TRPC5: variants seen among roughly 807,000 people sequenced by gnomAD.
The protein encoded by TRPC5 is short transient receptor potential channel 5.
TRPC5 carries 9 observed loss-of-function variants against 56.5 expected under a neutral mutation model. The observed-to-expected ratio is 0.16, with a 90% CI of 0.10 to 0.28. TRPC5 has a LOEUF of 0.28. Ranked by LOEUF, TRPC5 falls within the 10% of genes least tolerant of loss-of-function variation. The pLI is 1.00. For synonymous variants in TRPC5, 282 were observed against 278.5 expected (o/e 1.01, Z -0.13); for missense variants, 469 against 748.9 (o/e 0.63, Z 4.36).
At chrX:111,984,907 A>G (rs774538483) in intron 1 of TRPC5, among the ~76,000 whole-genome samples, 1 of 112,407 alleles carries the variant, frequency 8.9e-6, no homozygotes, top group South Asian at 3.7e-4. Context: ...ATATCAAGGG[A>G]TGTGTTAATT....
At chrX:112,080,779 A>T (rs1048691745) in intron 1 of TRPC5, among the ~76,000 whole-genome samples, 1 of 111,814 alleles carries the variant, frequency 8.9e-6, no homozygotes, top group Non-Finnish European at 1.9e-5. Context: ...ACATCAAAAA[A>T]CCTATGACAC....
intron 3 of TRPC5, among the ~76,000 whole-genome samples, chrX:111,865,262 C>T (rs1923516538): frequency 9.1e-6 from 1 of 110,044 alleles, no homozygotes; most frequent in African/African-American, 3.3e-5. Context: ...CTCAAGCAAT[C>T]CATTCACCTA....
At chrX:112,033,639 T>A (rs1929648395) in intron 1 of TRPC5, among the ~76,000 whole-genome samples, 1 of 111,450 alleles carries the variant, frequency 9.0e-6, no homozygotes, top group Non-Finnish European at 1.9e-5. Flanking sequence ...TTTACCCTTA[T>A]GTTTTCTTGT....
At chrX:111,936,498 C>T (rs1413775601) in intron 2 of TRPC5, among the ~76,000 whole-genome samples, 1 of 110,056 alleles carries the variant, frequency 9.1e-6, no homozygotes, top group African/African-American at 3.3e-5. Flanking sequence ...TCCCCTCTCC[C>T]CACACCCCAC....
intron 1 of TRPC5, among the ~76,000 whole-genome samples, chrX:112,040,129 A>G (rs1317460850): frequency 3.6e-5 from 4 of 112,107 alleles, no homozygotes; most frequent in Non-Finnish European, 7.5e-5. Context: ...GTAGCCTTTC[A>G]GTTATGGTAC....
chrX:111,999,230 T>G (rs758412836), intron 1 of TRPC5, among the ~76,000 whole-genome samples: 52 of 111,326 alleles, frequency 4.7e-4, no homozygotes, highest in Non-Finnish European at 1.9e-4. Flanking sequence ...CTAACTGTAG[T>G]TTTGTATGTG....
intron 3 of TRPC5, among the ~76,000 whole-genome samples, chrX:111,897,918 T>C (rs776395939): frequency 9.0e-6 from 1 of 111,052 alleles, no homozygotes; most frequent in African/African-American, 3.3e-5. Flanking sequence ...GGGATATAGA[T>C]AGGTGCATGA....
At chrX:111,924,706 A>G (rs1315028792) in intron 2 of TRPC5, among the ~76,000 whole-genome samples, 1 of 112,354 alleles carries the variant, frequency 8.9e-6, no homozygotes, top group Non-Finnish European at 1.9e-5. Context: ...TCATTAAACA[A>G]TTATTGAGTC....
At position 111,825,108 on chromosome X, in the gene TRPC5, C is replaced by A. The variant is rs750475987; in HGVS notation, c.1896+9813G>T. On this transcript the variant is annotated intron_variant, in intron 7 of 10. Coordinates refer to ENST00000262839, the MANE Select transcript of TRPC5 (RefSeq NM_012471.3). Reference sequence around the variant, plus strand: ...ACTCTAGGACTTTCTTTCATTTTCTCTTTCTTTCTTTTCTTTCTTTTCCTT... The same window carrying A: ...ACTCTAGGACTTTCTTTCATTTTCTATTTCTTTCTTTTCTTTCTTTTCCTT... 4.5e-5 allele frequency among the ~76,000 whole-genome samples: 5 copies of A among 109,961 alleles called. No homozygotes were observed. The Admixed American group carries it at 4.8e-4, about 11-fold the overall frequency.
At chrX:112,031,605 G>C (rs1223126032) in intron 1 of TRPC5, among the ~76,000 whole-genome samples, 1 of 109,200 alleles carries the variant, frequency 9.2e-6, no homozygotes, top group Admixed American at 9.9e-5. Context: ...AATTTATTGA[G>C]GTGAAATTCA....
intron 3 of TRPC5, among the ~76,000 whole-genome samples, chrX:111,910,775 G>A (rs970135189): frequency 9.8e-5 from 11 of 112,322 alleles, no homozygotes; most frequent in African/African-American, 3.6e-4. Flanking sequence ...CAGATGATCT[G>A]CCAGCCTTGG....
At chrX:111,958,726 G>C (rs1257552043) in intron 1 of TRPC5, among the ~76,000 whole-genome samples, 1 of 111,896 alleles carries the variant, frequency 8.9e-6, no homozygotes, top group African/African-American at 3.2e-5. Context: ...AGACCTCCAA[G>C]AAGGAAAAAC....
At chrX:111,880,501 G>C (rs1271657810) in intron 3 of TRPC5, among the ~76,000 whole-genome samples, 2 of 112,381 alleles carry the variant, frequency 1.8e-5, no homozygotes, top group Non-Finnish European at 3.8e-5. Flanking sequence ...CTGCTTACCT[G>C]CTTTGCTCTG....
At chrX:111,838,865 C>T (rs1055422509) in intron 6 of TRPC5, among the ~76,000 whole-genome samples, 2 of 111,683 alleles carry the variant, frequency 1.8e-5, no homozygotes, top group Admixed American at 1.9e-4. Context: ...TGAGGAATTA[C>T]CCTTTCAAAA....
intron 1 of TRPC5, among the ~76,000 whole-genome samples, chrX:112,056,153 T>C (rs909962867): frequency 1.8e-5 from 2 of 111,711 alleles, no homozygotes; most frequent in African/African-American, 3.3e-5. Context: ...TCAGGGTGCA[T>C]AGCTTGGTAA....
At chrX:111,963,638 C>T (rs1209655317) in intron 1 of TRPC5, among the ~76,000 whole-genome samples, 8 of 111,463 alleles carry the variant, frequency 7.2e-5, no homozygotes, top group Admixed American at 1.9e-4. Flanking sequence ...TCCAGAGGAA[C>T]AATCAGGCAG....
At position 111,888,231 on chromosome X, in the gene TRPC5, G is replaced by A. The variant is rs182556374; in HGVS notation, c.900+24060C>T. On this transcript the variant is annotated intron_variant, in intron 3 of 10. Coordinates refer to ENST00000262839, the MANE Select transcript of TRPC5 (RefSeq NM_012471.3). ...AGCAGGAGAGAGAAAAATAGAAAAC[G>A]AAGTTGCAGATTATATTATGCAGGG... Among the ~76,000 whole-genome samples the A allele has an allele frequency of 1.7e-3, 191 of 111,215 alleles. 1 individual carries two copies. Among genetic ancestry groups the A allele is most frequent in the African/African-American group, 6.0e-3 (183 of 30,579 alleles).
intron 2 of TRPC5, among the ~76,000 whole-genome samples, chrX:111,928,762 T>C (rs1427148055): frequency 4.5e-5 from 5 of 112,103 alleles, no homozygotes; most frequent in African/African-American, 1.6e-4. Flanking sequence ...TAGGTGCTGA[T>C]CAAGAATGAA....
intron 1 of TRPC5, among the ~76,000 whole-genome samples, chrX:112,075,212 G>A (rs1037968906): frequency 8.9e-6 from 1 of 112,163 alleles, no homozygotes; most frequent in East Asian, 2.8e-4. Context: ...TTTTATGTGA[G>A]TTACAAACTT....
Sources: gnomAD v4.1 joint callset for allele counts (sites outside exome capture counted in the v4.1 genomes callset) on GRCh38, gnomAD v4.1.1 for gene constraint, MANE v1.5 for transcripts, NCBI Gene and HGNC (gene_info 2026-07-23, HGNC 2026-07-21) for gene names.